Variants in OR51B5 observed in about 807,000 individuals in gnomAD.
OR51B5 encodes the protein olfactory receptor 51B5.
For missense variants in OR51B5, 456 were observed against 374.6 expected, an observed-to-expected ratio of 1.22 and a Z score of -1.79; for synonymous variants, 186 against 144.8, an observed-to-expected ratio of 1.28 and a Z score of -2.04.
intron 1 of OR51B5, among the ~76,000 whole-genome samples, chr11:5,504,189 GT>G (rs561913928): frequency 3.0e-4 from 45 of 152,034 alleles, no homozygotes; most frequent in Non-Finnish European, 5.3e-4. Context: ...TATTAGTTTT[GT>G]TTTTTTAAAG....
At chr11:5,465,562 A>G (rs1332585898) in intron 1 of OR51B5, among the ~76,000 whole-genome samples, 3 of 149,912 alleles carry the variant, frequency 2.0e-5, no homozygotes, top group South Asian at 2.1e-4. Context: ...AAACTATACT[A>G]CAAGGCTACA....
At chr11:5,403,574 TTTTG>T (rs763388852) in intron 1 of OR51B5, 17 of 456,506 alleles carry the variant, frequency 3.7e-5, no homozygotes, top group South Asian at 6.4e-5. Flanking sequence ...GAAGAAATGT[TTTTG>T]TTTGTTTGCT....
rs936102432 is a variant in OR51B5, at chr11:5,489,788, G to C, written n.84+15781C>G. 1.1e-5 allele frequency: 8 copies of C among 707,644 alleles called. No individual in the cohort carries two copies. In the African/African-American group the frequency reaches 1.3e-4, roughly 11 times the overall value. The allele number at this position is 707,644 out of a possible 1,614,324, so 43.8% of individuals were successfully genotyped here. ...ATGGCAGGAAGCTCTGGAAGGAAGA[G>C]GAATAGCCAGATGAATCAGAGCTAT... On this transcript the variant is annotated intron_variant and non_coding_transcript_variant, in intron 1 of 4. Coordinates refer to the OR51B5 transcript ENST00000415970.
At chr11:5,361,648 A>C (rs1849287066) in intron 1 of OR51B5, among the ~76,000 whole-genome samples, 1 of 152,226 alleles carries the variant, frequency 6.6e-6, no homozygotes, top group African/African-American at 2.4e-5. Context: ...ATCATCCCAA[A>C]GACTCCCTAA....
intron 1 of OR51B5, among the ~76,000 whole-genome samples, chr11:5,364,941 G>T (rs1849343016): frequency 6.8e-6 from 1 of 148,058 alleles, no homozygotes; most frequent in African/African-American, 2.5e-5. Context: ...GATACACAAG[G>T]AGAAGCAGAG....
At chr11:5,342,467 A>G, downstream of OR51B5, 6 of 1,252,532 alleles carry the variant, frequency 4.8e-6, no homozygotes, top group Non-Finnish European at 2.1e-6. Context: ...TTGAAGCTGT[A>G]TTTTAACACC....
chr11:5,429,304 C>A (rs1249664467), intron 1 of OR51B5, among the ~76,000 whole-genome samples: 1 of 152,106 alleles, frequency 6.6e-6, no homozygotes, highest in Admixed American at 6.5e-5. Context: ...CACCGCAATA[C>A]CAGGGTCTCA....
At chr11:5,358,013 G>C (rs76141867) in intron 1 of OR51B5, among the ~76,000 whole-genome samples, 56,775 of 150,728 alleles carry the variant, frequency 0.38, 10,924 homozygotes, top group Non-Finnish European at 0.4. Flanking sequence ...GAAATTTATA[G>C]CACTAAACGC....
At chr11:5,488,622 T>G (rs771669208) in intron 1 of OR51B5, 48 of 1,054,950 alleles carry the variant, frequency 4.5e-5, no homozygotes, top group Non-Finnish European at 6.7e-5. Flanking sequence ...AAGATCTTTG[T>G]TTTACATAAA....
At chr11:5,347,119 G>A (rs1223110428), upstream of OR51B5, among the ~76,000 whole-genome samples, 1 of 152,108 alleles carries the variant, frequency 6.6e-6, no homozygotes, top group Non-Finnish European at 1.5e-5. Context: ...CCACTGGTAG[G>A]ACCTTTATGT....
chr11:5,470,214 T>C (rs1851206296), intron 1 of OR51B5, among the ~76,000 whole-genome samples: 2 of 152,220 alleles, frequency 1.3e-5, no homozygotes, highest in South Asian at 4.1e-4. Flanking sequence ...TTTAAACTCA[T>C]AGGCAATTCC....
At chr11:5,422,267 G>C in intron 1 of OR51B5, 2 of 1,614,102 alleles carry the variant, frequency 1.2e-6, no homozygotes, top group African/African-American at 1.3e-5. Context: ...CCCTGGATTT[G>C]AGGCCTCCCA....
intron 1 of OR51B5, among the ~76,000 whole-genome samples, chr11:5,496,507 T>C (rs1851651977): frequency 6.6e-6 from 1 of 152,168 alleles, no homozygotes; most frequent in African/African-American, 2.4e-5. Flanking sequence ...CTGCCTTGCA[T>C]GGCTTTGTAT....
At chr11:5,384,862 T>G (rs1367898188) in intron 1 of OR51B5, among the ~76,000 whole-genome samples, 1 of 152,192 alleles carries the variant, frequency 6.6e-6, no homozygotes, top group African/African-American at 2.4e-5. Flanking sequence ...AAAACAGGCA[T>G]GTTTACAGAT....
chr11:5,423,181 A>G (rs1048285288), intron 1 of OR51B5: 2 of 1,551,984 alleles, frequency 1.3e-6, no homozygotes, highest in Admixed American at 1.8e-5. Context: ...AATTACTGAC[A>G]AGTATGAGTC....
chr11:5,423,986 A>G (rs1564809160), intron 1 of OR51B5, among the ~76,000 whole-genome samples: 2 of 152,180 alleles, frequency 1.3e-5, no homozygotes. Context: ...CTTGGGCATC[A>G]TGAATTTTTC....
intron 1 of OR51B5, among the ~76,000 whole-genome samples, chr11:5,354,039 TTATTCCCTACTG>T (rs1358833742): frequency 6.6e-6 from 1 of 152,238 alleles, no homozygotes; most frequent in African/African-American, 2.4e-5. Context: ...AACATAGTTC[TTATTCCCTACTG>T]TATTACAGAA....
chr11:5,465,184 C>A (rs1343039833), intron 1 of OR51B5, among the ~76,000 whole-genome samples: 11 of 107,006 alleles, frequency 1.0e-4, no homozygotes, highest in Admixed American at 8.9e-4. Context: ...CCAGCCTGGG[C>A]GACAGAGCGA....
intron 1 of OR51B5, among the ~76,000 whole-genome samples, chr11:5,427,716 T>C (rs1313246589): frequency 1.3e-5 from 2 of 152,176 alleles, no homozygotes; most frequent in Admixed American, 1.3e-4. Flanking sequence ...GCTCAAAATT[T>C]AGATTTTTGA....
Sources: gnomAD v4.1 joint callset for allele counts (sites outside exome capture counted in the v4.1 genomes callset) on GRCh38, gnomAD v4.1.1 for gene constraint, MANE v1.5 for transcripts, NCBI Gene and HGNC (gene_info 2026-07-23, HGNC 2026-07-21) for gene names.